ATRNL1: variants seen among roughly 807,000 people sequenced by gnomAD.
The protein encoded by ATRNL1 is attractin-like protein 1.
A neutral mutation model predicts 182.7 loss-of-function variants in ATRNL1; 95 were observed. The observed-to-expected ratio is 0.52, with a 90% confidence interval of 0.44 to 0.62. ATRNL1 has a LOEUF of 0.62. Among genes scored for constraint, ATRNL1 ranks in the 20% least tolerant of loss-of-function variants. The probability of loss-of-function intolerance (pLI) is 0.00; values close to 1 mark genes in which losing one functional copy is unlikely to be tolerated. For synonymous variants in ATRNL1, 576 were observed against 568.3 expected (o/e 1.01, Z -0.19); for missense variants, 1,471 against 1,679.5 (o/e 0.88, Z 2.17).
At chr10:115,671,928 G>A (rs1166453654) in intron 26 of ATRNL1, among the ~76,000 whole-genome samples, 1 of 151,938 alleles carries the variant, frequency 6.6e-6, no homozygotes, top group African/African-American at 2.4e-5. Context: ...GAAACAAGAT[G>A]TCCCAATAAA....
intron 27 of ATRNL1, among the ~76,000 whole-genome samples, chr10:115,798,842 T>C (rs1368984328): frequency 6.6e-6 from 1 of 150,908 alleles, no homozygotes; most frequent in East Asian, 1.9e-4. Context: ...TTTTTTTTTT[T>C]TTGAGTCGGA....
intron 27 of ATRNL1, among the ~76,000 whole-genome samples, chr10:115,795,426 T>C (rs1173096987): frequency 6.6e-6 from 1 of 152,168 alleles, no homozygotes; most frequent in African/African-American, 2.4e-5. Context: ...CCTCCTTTTA[T>C]GTGACCAGTC....
At chr10:115,384,359 G>A (rs1188296445) in intron 19 of ATRNL1, among the ~76,000 whole-genome samples, 1 of 151,894 alleles carries the variant, frequency 6.6e-6, no homozygotes, top group Non-Finnish European at 1.5e-5. Context: ...AGTTTCCACT[G>A]TATCTCCTCC....
At chr10:115,562,399 A>C (rs1555000045) in intron 26 of ATRNL1, among the ~76,000 whole-genome samples, 1 of 152,150 alleles carries the variant, frequency 6.6e-6, no homozygotes, top group African/African-American at 2.4e-5. Context: ...AGACTGTGGT[A>C]ATTGTTGTAC....
intron 19 of ATRNL1, among the ~76,000 whole-genome samples, chr10:115,381,326 G>A (rs1019491296): frequency 6.6e-6 from 1 of 151,734 alleles, no homozygotes; most frequent in South Asian, 2.1e-4. Context: ...GAGTGCAGTG[G>A]CACAATCTCG....
chr10:115,627,383 G>T (rs782064266), intron 26 of ATRNL1, among the ~76,000 whole-genome samples: 7 of 149,964 alleles, frequency 4.7e-5, no homozygotes, highest in Non-Finnish European at 1.0e-4. Flanking sequence ...CTTTTTTTTT[G>T]AGACATAGTC....
intron 8 of ATRNL1, among the ~76,000 whole-genome samples, chr10:115,180,025 C>CT (rs1771054378): frequency 1.3e-5 from 2 of 151,564 alleles, no homozygotes; most frequent in Non-Finnish European, 1.5e-5. Context: ...TCAGACTCAA[C>CT]TTTTTTTTGG....
At chr10:115,564,104 C>T (rs560067598) in intron 26 of ATRNL1, among the ~76,000 whole-genome samples, 1 of 151,932 alleles carries the variant, frequency 6.6e-6, no homozygotes, top group South Asian at 2.1e-4. Context: ...TATTTTGATG[C>T]CAGCATAATT....
chr10:115,313,716 A>C (rs1854152545), intron 17 of ATRNL1, among the ~76,000 whole-genome samples: 1 of 151,882 alleles, frequency 6.6e-6, no homozygotes, highest in Non-Finnish European at 1.5e-5. Context: ...AATAAAACTT[A>C]CTTTCTTAGG....
At chr10:115,915,413 T>TAAA (rs1565483888) in intron 28 of ATRNL1, among the ~76,000 whole-genome samples, 2 of 150,274 alleles carry the variant, frequency 1.3e-5, no homozygotes, top group African/African-American at 4.9e-5. Flanking sequence ...AAAAAAAAAT[T>TAAA]TTTTTTGACA....
intron 26 of ATRNL1, among the ~76,000 whole-genome samples, chr10:115,723,323 A>C (rs1947490251): frequency 6.6e-6 from 1 of 152,068 alleles, no homozygotes; most frequent in Non-Finnish European, 1.5e-5. Context: ...TTTGTTTTTT[A>C]TGTATGTGTA....
At chr10:115,389,580 A>ATG in intron 19 of ATRNL1, among the ~76,000 whole-genome samples, 1 of 108,998 alleles carries the variant, frequency 9.2e-6, no homozygotes, top group African/African-American at 3.5e-5. Context: ...ATATATATAT[A>ATG]TATATATATA....
At chr10:115,559,444 G>GTGTGTGTA (rs1554998463) in intron 26 of ATRNL1, among the ~76,000 whole-genome samples, 1 of 62,790 alleles carries the variant, frequency 1.6e-5, no homozygotes, top group Non-Finnish European at 3.3e-5. Context: ...GTGTGTGTGT[G>GTGTGTGTA]CGCGCGCGCA....
intron 8 of ATRNL1, among the ~76,000 whole-genome samples, chr10:115,204,279 A>AT (rs1376624800): frequency 2.0e-5 from 3 of 151,596 alleles, no homozygotes; most frequent in East Asian, 3.9e-4. Context: ...GATGTCTTTC[A>AT]TTTTTTTCTT....
chr10:115,146,723 C>T (rs1554879447), intron 5 of ATRNL1, among the ~76,000 whole-genome samples: 1 of 151,606 alleles, frequency 6.6e-6, no homozygotes, highest in East Asian at 1.9e-4. Context: ...GGATATTTGT[C>T]TTTTTGTGGC....
chr10:115,138,643 C>T (rs1371038228), intron 5 of ATRNL1, among the ~76,000 whole-genome samples: 1 of 152,188 alleles, frequency 6.6e-6, no homozygotes, highest in African/African-American at 2.4e-5. Flanking sequence ...AGTCCCTAGG[C>T]TGTACAGAGC....
Position 115,713,703 on chromosome 10 carries a change from A to G in ATRNL1, c.3796-13545A>G, listed in dbSNP as rs200348916. On this transcript the variant is annotated intron_variant, in intron 26 of 28. Coordinates refer to ENST00000355044, the MANE Select transcript of ATRNL1 (RefSeq NM_207303.4). ...TATCTATCTATCTATCTATCTATCT[A>G]TCATCTATCTATCTATCTATCTATC... is the stretch of plus-strand genomic sequence containing the variant. Among the ~76,000 whole-genome samples the G allele has an allele frequency of 1.0e-4, 5 of 48,436 alleles. No homozygotes were observed. In the East Asian group the frequency reaches 7.8e-3, roughly 76 times the overall value. The allele number at this position is 48,436 out of a possible 152,430, so 31.8% of individuals were successfully genotyped here. A position where few individuals can be genotyped will look rare whatever the true frequency, so the allele number is the denominator to read the frequency against.
intron 21 of ATRNL1, among the ~76,000 whole-genome samples, chr10:115,448,583 A>G (rs1847121602): frequency 6.6e-6 from 1 of 152,156 alleles, no homozygotes; most frequent in African/African-American, 2.4e-5. Flanking sequence ...AAAGATCTCA[A>G]ATTAACAACA....
intron 27 of ATRNL1, among the ~76,000 whole-genome samples, chr10:115,755,260 T>C (rs1358691819): frequency 6.6e-6 from 1 of 151,986 alleles, no homozygotes; most frequent in Non-Finnish European, 1.5e-5. Flanking sequence ...TTTTCAAAGG[T>C]AATGCCTCCA....
Sources: gnomAD v4.1 joint callset for allele counts (sites outside exome capture counted in the v4.1 genomes callset) on GRCh38, gnomAD v4.1.1 for gene constraint, MANE v1.5 for transcripts, NCBI Gene and HGNC (gene_info 2026-07-23, HGNC 2026-07-21) for gene names.